BCLAF1: variants seen among roughly 807,000 people sequenced by gnomAD.
BCLAF1 encodes the protein BCL2 associated transcription factor 1, also known as bcl-2-associated transcription factor 1.
In BCLAF1, 10 loss-of-function variants were observed where a neutral mutation model predicts 99.5. That is an observed-to-expected ratio of 0.10 (90% CI 0.06 to 0.17). The LOEUF (loss-of-function observed/expected upper bound fraction) is 0.17. Among genes scored for constraint, BCLAF1 ranks in the 10% least tolerant of loss-of-function variants. The pLI, the probability that BCLAF1 is intolerant of heterozygous loss-of-function variation, is 1.00. For synonymous variants in BCLAF1, 255 were observed against 370.9 expected (o/e 0.69, Z 3.59); for missense variants, 636 against 1,105.8 (o/e 0.58, Z 6.02).
intron 11 of BCLAF1, among the ~76,000 whole-genome samples, chr6:136,263,844 C>A (rs559341149): frequency 3.1e-4 from 47 of 152,314 alleles, no homozygotes; most frequent in African/African-American, 1.1e-3. Context: ...AAACTAGTAT[C>A]TTTCCTGGAA....
rs761957833 is a variant in BCLAF1 at position 136,279,728 on chromosome 6, T to C, written c.104+35A>G. 1.4e-5 allele frequency: 21 copies of C among 1,497,444 alleles called. No individual in the cohort carries two copies. In the East Asian group the frequency reaches 2.2e-4, roughly 16 times the overall value. 92.8% of individuals were successfully genotyped at this position (1,497,444 alleles called of 1,614,324 possible). A position where few individuals can be genotyped will look rare whatever the true frequency, so the allele number is the denominator to read the frequency against. On this transcript the variant is annotated intron_variant, in intron 3 of 12. Coordinates refer to ENST00000531224, the MANE Select transcript of BCLAF1 (RefSeq NM_014739.3). ...CTCATTCAACAAGTATTAACTGATA[T>C]AATTATTTTAAAAATTTAAAGCACA...
At chr6:136,267,201 A>G in intron 10 of BCLAF1, 26 bp from the exon 11 acceptor site, 1 of 1,607,806 alleles carries the variant, frequency 6.2e-7, no homozygotes, top group Non-Finnish European at 8.5e-7. Context: ...AAAGTTGTTT[A>G]GTGATGCAAT....
Position 136,278,573 on chromosome 6 carries a change from C to G in BCLAF1, c.308G>C (p.Arg103Thr), listed in dbSNP as rs1260771612. ...YRPVWNRRHS[R>T]SPRRGRSRSR... ...ACGTGAACGACCTCGTCTAGGACTC[C>G]TAGAGTGCCTTCTATTCCAGACAGG... Residue 103 changes from arginine to threonine, a missense_variant, in exon 4 of 13, where the codon AGG becomes ACG. Transcript: ENST00000531224. The G allele has an allele frequency of 6.3e-7, 1 of 1,599,922 alleles. No individual in the cohort carries two copies. Among genetic ancestry groups the G allele is most frequent in the Non-Finnish European group, 8.5e-7 (1 of 1,174,218 alleles).
intron 11 of BCLAF1, 27 bp from the exon 12 acceptor site, chr6:136,261,504 A>G: frequency 1.3e-6 from 2 of 1,589,792 alleles, no homozygotes; most frequent in Non-Finnish European, 1.7e-6. Context: ...AACAATTGTC[A>G]ATGAAATGTT....
chr6:136,275,765 A>G, intron 5 of BCLAF1, 64 bp from the exon 6 acceptor site: 3 of 1,560,246 alleles, frequency 1.9e-6, no homozygotes, highest in East Asian at 4.5e-5. Context: ...TAAAAATGGT[A>G]TGTTCAGAAA....
intron 11 of BCLAF1, among the ~76,000 whole-genome samples, chr6:136,266,382 A>C (rs1781718126): frequency 6.6e-6 from 1 of 152,078 alleles, no homozygotes; most frequent in Non-Finnish European, 1.5e-5. Context: ...CCACCTCTAT[A>C]ATGCAGGAGA....
chr6:136,269,076 C>T lies in BCLAF1; in HGVS notation c.2219+361G>A, dbSNP rs957887566. 3 of 1,110,252 alleles carry T rather than the reference C, an allele frequency of 2.7e-6. No individual in the cohort carries two copies. The African/African-American group carries it at 5.0e-5, about 18-fold the overall frequency. The allele number at this position is 1,110,252 out of a possible 1,614,324, so 68.8% of individuals were successfully genotyped here. ...AACCACTAGATATCAGTTTAAAATT[C>T]TTGTACTCTGGGTGTTATGAGTTGA... On this transcript the variant is annotated intron_variant, in intron 9 of 12. Transcript: ENST00000531224.
intron 6 of BCLAF1, among the ~76,000 whole-genome samples, 174 bp downstream of exon 6, chr6:136,275,358 T>G (rs1243790806): frequency 6.6e-6 from 1 of 152,182 alleles, no homozygotes; most frequent in African/African-American, 2.4e-5. Flanking sequence ...TTCATAAGTT[T>G]CAATGCTAGC....
intron 2 of BCLAF1, among the ~76,000 whole-genome samples, chr6:136,282,089 A>G (rs957629186): frequency 6.6e-6 from 1 of 152,214 alleles, no homozygotes. Context: ...AACTACATGA[A>G]TTCAAATTCC....
rs1780627145 is a variant in BCLAF1, at chr6:136,258,672, T to C, written c.*2438A>G. ...TACATCACACTGAGTAAGAATCGTT[T>C]AGCCATCTACATTCAATGTTACTGG... On this transcript the variant is annotated 3_prime_UTR_variant, in exon 13 of 13. Coordinates refer to ENST00000531224, the MANE Select transcript of BCLAF1 (RefSeq NM_014739.3). 1 of 152,546 alleles carries C rather than the reference T, an allele frequency of 6.6e-6. No individual in the cohort carries two copies. The highest frequency in any genetic ancestry group is 2.4e-5 in the African/African-American group (1 of 41,464). 9.4% of individuals were successfully genotyped at this position (152,546 alleles called of 1,614,324 possible). A position where few individuals can be genotyped will look rare whatever the true frequency, so the allele number is the denominator to read the frequency against.
chr6:136,269,465 T>C lies in BCLAF1; in HGVS notation c.2191A>G (p.Lys731Glu). 2 of 1,610,402 alleles carry C rather than the reference T, an allele frequency of 1.2e-6. No homozygotes were observed. Among genetic ancestry groups the C allele is most frequent in the Non-Finnish European group, 1.7e-6 (2 of 1,178,292 alleles). The stretch of plus-strand genomic sequence containing the variant: ...TCATCTTTGTAAGATTTGTATTCCT[T>C]GTAATCTTTTGGAGTTTTTTCCTGC... ...RKQEKTPKDY[K>E]EYKSYKDDSK... The change falls in exon 9 of 13, where the codon AAG becomes GAG. Residue 731 changes from lysine (K) to glutamate (E), a missense_variant. Around this residue, in one of 9 missense-constraint regions of BCLAF1, gnomAD observed 180 missense variants for 270.0 expected, o/e 0.67. Transcript: ENST00000531224.
At chr6:136,279,902 G>A (rs767742172) in intron 2 of BCLAF1, 26 bp from the exon 3 acceptor site, 8 of 1,429,138 alleles carry the variant, frequency 5.6e-6, no homozygotes, top group South Asian at 1.7e-5. Context: ...GGCAAAAAAA[G>A]GTTAAAATTA....
intron 1 of BCLAF1, among the ~76,000 whole-genome samples, chr6:136,284,161 CAG>C (rs1784800821): frequency 1.2e-5 from 1 of 86,308 alleles, no homozygotes; most frequent in African/African-American, 8.1e-5. Flanking sequence ...TATATATATC[CAG>C]AGAAGACCCA....
rs762691263 is a variant in BCLAF1 at position 136,272,091 on chromosome 6, A to G, written c.1959-12T>C. On this transcript the variant is annotated splice_polypyrimidine_tract_variant and intron_variant, in intron 7 of 12. Coordinates refer to ENST00000531224, the MANE Select transcript of BCLAF1 (RefSeq NM_014739.3). ...AGATGTCAATTCTCCTTAATGTAAA[A>G]TAAAATATATTTTTAGTCATATTAT... The G allele has an allele frequency of 1.9e-6, 3 of 1,543,106 alleles. No homozygotes were observed. Among genetic ancestry groups the G allele is most frequent in the East Asian group, 4.6e-5 (2 of 43,944 alleles).
At position 136,276,245 on chromosome 6, in the gene BCLAF1, G is replaced by C. The variant is rs1310354815; in HGVS notation, c.1280C>G (p.Ser427Cys). ...ADQGKSFATA[S>C]HRNTEEEGLK... ...TCCTTCCTCCTCAGTATTCCGGTGA[G>C]ATGCAGTAGCAAAACTTTTACCCTG... The change falls in exon 5 of 13, where the codon TCT (serine) becomes TGT (cysteine). Residue 427 changes from serine to cysteine, a missense_variant. Physicochemically the swap from Ser to Cys is moderately radical, Grantham distance 112. This residue lies in a region of BCLAF1 where 186 missense variants were observed against 275.3 expected (regional missense o/e 0.68). Transcript: ENST00000531224. 7 of 1,605,452 alleles carry C rather than the reference G, an allele frequency of 4.4e-6. No individual in the cohort carries two copies. The highest frequency in any genetic ancestry group is 5.9e-6 in the Non-Finnish European group (7 of 1,177,026).
chr6:136,275,541 G>C lies in BCLAF1; in HGVS notation c.1843C>G (p.His615Asp). 1 of 1,552,912 alleles carries C rather than the reference G, an allele frequency of 6.4e-7. No individual in the cohort carries two copies. The highest frequency in any genetic ancestry group is 2.3e-5 in the East Asian group (1 of 44,266). The stretch of plus-strand genomic sequence containing the variant: ...AACATACTAAGCATACCTTTAACAT[G>C]ATGAACCAAGGACACAATGTGTTGA... Reference protein sequence around the residue: ...FIQHIVSLVHHVKEQYFKSAA... With the variant: ...FIQHIVSLVHDVKEQYFKSAA... Residue 615 changes from histidine (H) to aspartate (D), a missense_variant, in exon 6 of 13, where the codon CAT becomes GAT. Transcript: ENST00000531224.
chr6:136,268,020 C>T, intron 10 of BCLAF1, 142 bp downstream of exon 10: 1 of 808,116 alleles, frequency 1.2e-6, no homozygotes, highest in Non-Finnish European at 1.8e-6. Context: ...ACTTCAAACA[C>T]CACTTCATGT....
intron 10 of BCLAF1, 115 bp from the exon 11 acceptor site, chr6:136,267,290 C>G (rs1781840209): frequency 8.2e-7 from 1 of 1,225,910 alleles, no homozygotes; most frequent in Admixed American, 2.5e-5. Flanking sequence ...CTATCTAAAT[C>G]TCATGGCCAT....
At chr6:136,268,530 T>C (rs958100957) in intron 9 of BCLAF1, 191 bp from the exon 10 acceptor site, 12 of 573,126 alleles carry the variant, frequency 2.1e-5, no homozygotes, top group Non-Finnish European at 3.6e-5. Context: ...TTTACATCAA[T>C]AATGAAAAAC....
Sources: gnomAD v4.1 joint callset for allele counts (sites outside exome capture counted in the v4.1 genomes callset) on GRCh38, gnomAD v4.1.1 for gene constraint, gnomAD v4.1.1 regional missense constraint, MANE v1.5 for transcripts, NCBI Gene and HGNC (gene_info 2026-07-23, HGNC 2026-07-21) for gene names.